The following ITPRID1 variants were observed in gnomAD, a reference collection of about 807,000 sequenced individuals.
ITPRID1 encodes the protein ITPR interacting domain containing 1.
A neutral mutation model predicts 95.4 loss-of-function variants in ITPRID1; 96 were observed. The ratio of observed to expected loss-of-function variants is 1.01; its 90% CI spans 0.85 to 1.19. ITPRID1 has a LOEUF of 1.19. Ranked by LOEUF, ITPRID1 falls within the 50% of genes most tolerant of loss-of-function variation. The probability of loss-of-function intolerance (pLI) is 0.00; values close to 1 mark genes in which losing one functional copy is unlikely to be tolerated. For missense variants in ITPRID1, 1,339 were observed against 1,252.9 expected (o/e 1.07, Z -1.04); for synonymous variants, 510 against 453.6 (o/e 1.12, Z -1.58).
At chr7:31,525,786 A>G (rs1783404982) in intron 1 of ITPRID1, among the ~76,000 whole-genome samples, 1 of 152,212 alleles carries the variant, frequency 6.6e-6, no homozygotes, top group African/African-American at 2.4e-5. Context: ...ACTCAATCTC[A>G]TGCTATGCAT....
intron 5 of ITPRID1, among the ~76,000 whole-genome samples, chr7:31,559,494 C>G (rs972627104): frequency 2.0e-5 from 3 of 152,082 alleles, no homozygotes; most frequent in African/African-American, 7.2e-5. Context: ...AATCCTGTCT[C>G]TACTAAAAAT....
chr7:31,571,515 A>G (rs1317413413), intron 6 of ITPRID1, among the ~76,000 whole-genome samples: 1 of 152,240 alleles, frequency 6.6e-6, no homozygotes, highest in Non-Finnish European at 1.5e-5. Context: ...ACTGAACTAT[A>G]TTATGACAGG....
intron 1 of ITPRID1, chr7:31,529,637 G>A (rs1387174890): frequency 2.4e-5 from 18 of 739,960 alleles, no homozygotes; most frequent in Non-Finnish European, 3.9e-5. Context: ...GGCTTTCTAT[G>A]ACCAACTTTT....
rs574876349 is a variant in ITPRID1 at position 31,651,844 on chromosome 7, A to T, written c.2712-95A>T. The stretch of plus-strand genomic sequence containing the variant: ...TAAAGATGACATTCTCTTTTAAGAA[A>T]TTGCAAAGGAAGAACCTATATTATG... On this transcript the variant is annotated intron_variant, in intron 13 of 14. Coordinates refer to ENST00000615280, the MANE Select transcript of ITPRID1 (RefSeq NM_001257967.3). 188 of 788,340 alleles carry T rather than the reference A, an allele frequency of 2.4e-4. 1 individual carries two copies. The East Asian group carries it at 4.4e-3, about 19-fold the overall frequency. 48.8% of individuals were successfully genotyped at this position (788,340 alleles called of 1,614,324 possible).
intron 1 of ITPRID1, among the ~76,000 whole-genome samples, chr7:31,521,117 T>G (rs1386492857): frequency 1.3e-5 from 2 of 152,060 alleles, no homozygotes. Context: ...TTTTTCTGCT[T>G]GCTGTAGACT....
At chr7:31,566,726 T>C (rs1399408054) in intron 5 of ITPRID1, among the ~76,000 whole-genome samples, 4 of 152,220 alleles carry the variant, frequency 2.6e-5, no homozygotes, top group Admixed American at 6.5e-5. Flanking sequence ...ATCTATGACA[T>C]GATTAATAAG....
chr7:31,639,544 T>TTTTTTTTTTTTTTG (rs1562644465), intron 10 of ITPRID1, among the ~76,000 whole-genome samples: 7 of 135,174 alleles, frequency 5.2e-5, no homozygotes, highest in South Asian at 2.2e-4. Flanking sequence ...TTTTGTTTTT[T>TTTTTTTTTTTTTTG]TTTTTTTTTT....
chr7:31,607,232 A>G (rs1758917549), intron 10 of ITPRID1, among the ~76,000 whole-genome samples: 2 of 152,164 alleles, frequency 1.3e-5, no homozygotes, highest in Non-Finnish European at 2.9e-5. Flanking sequence ...TCATTCTAGG[A>G]TATCTTAGCA....
chr7:31,519,218 T>C (rs1311975103), intron 1 of ITPRID1, among the ~76,000 whole-genome samples: 3 of 152,070 alleles, frequency 2.0e-5, no homozygotes, highest in African/African-American at 4.8e-5. Flanking sequence ...GGAAGGAAGA[T>C]AGAGAAATAA....
At position 31,653,036 on chromosome 7, in the gene ITPRID1, C is replaced by T; in HGVS notation, c.*207C>T. 1 of 1,307,868 alleles carries T rather than the reference C, an allele frequency of 7.6e-7. No individual in the cohort carries two copies. The highest frequency in any genetic ancestry group is 1.0e-6 in the Non-Finnish European group (1 of 992,216). 81.0% of individuals were successfully genotyped at this position (1,307,868 alleles called of 1,614,324 possible). On this transcript the variant is annotated 3_prime_UTR_variant, in exon 15 of 15. Transcript: ENST00000615280. ...GAATAACTGAGCACCTAGTATGTGC[C>T]TGGCACAGAGTATGCAACAGTGACT...
In ITPRID1 at chr7:31,654,203, G is replaced by A. The variant is rs71530558; in HGVS notation, c.*1374G>A. On this transcript the variant is annotated 3_prime_UTR_variant, in exon 15 of 15. Transcript: ENST00000615280. ...TGTGGAAGGCCTTGCTAAAGGGAAGGCTATTTGGGTAAGACTTGAAAGGTG... is the reference window on the plus strand; with the variant it reads ...TGTGGAAGGCCTTGCTAAAGGGAAGACTATTTGGGTAAGACTTGAAAGGTG... Among the ~76,000 whole-genome samples the A allele has an allele frequency of 0.12, 18,162 of 152,210 alleles. 1,296 individuals carry two copies. The highest frequency in any genetic ancestry group is 0.18 in the Middle Eastern group (54 of 294).
chr7:31,644,387 T>A (rs1790289728), intron 12 of ITPRID1, among the ~76,000 whole-genome samples: 1 of 152,198 alleles, frequency 6.6e-6, no homozygotes, highest in Non-Finnish European at 1.5e-5. Flanking sequence ...TGACACAGGA[T>A]TGTTTTAGGA....
At position 31,577,622 on chromosome 7, in the gene ITPRID1, C is replaced by G. The variant is rs150139631; in HGVS notation, c.599-241C>G. The stretch of plus-strand genomic sequence containing the variant: ...GCATATATGAATCTAAATAGTTATG[C>G]GTATTCAACTAAATACAAAAGCTGT... On this transcript the variant is annotated intron_variant, in intron 8 of 14. Transcript: ENST00000615280. 2.6e-5 allele frequency among the ~76,000 whole-genome samples: 4 copies of G among 152,108 alleles called. No homozygotes were observed. In the South Asian group the frequency reaches 6.2e-4, roughly 24 times the overall value.
At chr7:31,640,234 C>T (rs1270426696) in intron 10 of ITPRID1, among the ~76,000 whole-genome samples, 2 of 152,220 alleles carry the variant, frequency 1.3e-5, no homozygotes, top group Non-Finnish European at 2.9e-5. Flanking sequence ...TTGCATCTGG[C>T]TGGTGGGCAC....
chr7:31,514,715 C>G (rs1162008323), intron 1 of ITPRID1, among the ~76,000 whole-genome samples: 1 of 152,074 alleles, frequency 6.6e-6, no homozygotes, highest in Non-Finnish European at 1.5e-5. Flanking sequence ...GGTACTTCAA[C>G]TTTAACAGAT....
At chr7:31,611,723 A>T (rs1242368637) in intron 10 of ITPRID1, among the ~76,000 whole-genome samples, 1 of 151,950 alleles carries the variant, frequency 6.6e-6, no homozygotes, top group East Asian at 1.9e-4. Context: ...CTAAGAAGTC[A>T]GTTGTTAATC....
intron 5 of ITPRID1, chr7:31,555,135 G>C: frequency 2.1e-6 from 1 of 471,180 alleles, no homozygotes; most frequent in South Asian, 3.1e-5. Flanking sequence ...TATCATCAAT[G>C]GCTCAGAGTA....
At chr7:31,539,645 G>A (rs2128132546) in intron 1 of ITPRID1, among the ~76,000 whole-genome samples, 1 of 152,330 alleles carries the variant, frequency 6.6e-6, no homozygotes, top group African/African-American at 2.4e-5. Flanking sequence ...CAGTTCAACA[G>A]TCAAAGACAG....
rs1307088853 is a variant in ITPRID1, at chr7:31,643,164, G to T, written c.1794G>T (p.Arg598Ser). Residue 598 changes from arginine to serine, a missense_variant, in exon 12 of 15, where the codon AGG becomes AGT. Arg to Ser is a moderately radical substitution (Grantham distance 110). Transcript: ENST00000615280. ...AAAGCCACCACAATGAGTCTCAAAG[G>T]TCACCTGGAAATGATCATACTCAAG... ...KVQSHHNESQ[R>S]SPGNDHTQDK... 26 of 1,613,902 alleles carry T rather than the reference G, an allele frequency of 1.6e-5. No homozygotes were observed. The highest frequency in any genetic ancestry group is 1.9e-5 in the Non-Finnish European group (23 of 1,179,896).
Sources: gnomAD v4.1 joint callset for allele counts (sites outside exome capture counted in the v4.1 genomes callset) on GRCh38, gnomAD v4.1.1 for gene constraint, MANE v1.5 for transcripts, NCBI Gene and HGNC (gene_info 2026-07-23, HGNC 2026-07-21) for gene names.